The following PBX1 variants were observed in gnomAD, a reference collection of about 807,000 sequenced individuals.
The protein encoded by PBX1 is PBX homeobox 1.
Under a neutral mutation model 53.4 loss-of-function variants are expected in PBX1, and 6 were observed. That is an observed-to-expected ratio of 0.11 (90% CI 0.06 to 0.22). The LOEUF (loss-of-function observed/expected upper bound fraction) is 0.22. Among genes scored for constraint, PBX1 ranks in the 10% least tolerant of loss-of-function variants. The pLI is 1.00. For missense variants in PBX1, 251 were observed against 551.4 expected (o/e 0.46, Z 5.46); for synonymous variants, 204 against 212.3 (o/e 0.96, Z 0.34).
Position 164,847,006 on chromosome 1 carries a change from A to G in PBX1, c.*330A>G, listed in dbSNP as rs527366247. ...TCTCATATCACTGAAGGATATTTTC[A>G]ACAATTAGAGGAATTTAAAGAGGAA... is the stretch of plus-strand genomic sequence containing the variant. On this transcript the variant is annotated 3_prime_UTR_variant, in exon 9 of 9. Coordinates refer to ENST00000420696, the MANE Select transcript of PBX1 (RefSeq NM_002585.4). The G allele has an allele frequency of 1.2e-5, 14 of 1,163,666 alleles. No homozygotes were observed. The highest frequency in any genetic ancestry group is 1.4e-5 in the Non-Finnish European group (13 of 939,888). 72.1% of individuals were successfully genotyped at this position (1,163,666 alleles called of 1,614,324 possible). A position where few individuals can be genotyped will look rare whatever the true frequency, so the allele number is the denominator to read the frequency against.
chr1:164,847,831 C>A lies in PBX1; in HGVS notation c.*1155C>A, dbSNP rs896144719. On this transcript the variant is annotated 3_prime_UTR_variant, in exon 9 of 9. Transcript: ENST00000420696. Reference sequence around the variant, plus strand: ...CTGCAGGCCCACTAGCGTGCACTTACCAGAATGGCATACACAGGACCTGAT... The same window carrying A: ...CTGCAGGCCCACTAGCGTGCACTTAACAGAATGGCATACACAGGACCTGAT... The A allele has an allele frequency of 9.5e-7, 1 of 1,055,172 alleles. No individual in the cohort carries two copies. Among genetic ancestry groups the A allele is most frequent in the South Asian group, 4.6e-5 (1 of 21,880 alleles). 65.4% of individuals were successfully genotyped at this position (1,055,172 alleles called of 1,614,324 possible).
intron 2 of PBX1, among the ~76,000 whole-genome samples, chr1:164,742,398 C>T (rs939552831): frequency 1.3e-5 from 2 of 152,068 alleles, no homozygotes; most frequent in African/African-American, 4.8e-5. Flanking sequence ...AAAAATTAGC[C>T]AGGCATGGTG....
chr1:164,852,235 T>C (rs1222104392), downstream of PBX1, among the ~76,000 whole-genome samples: 1 of 152,212 alleles, frequency 6.6e-6, no homozygotes, highest in East Asian at 1.9e-4. Flanking sequence ...AGAAAAATTG[T>C]GGTTCCCAAG....
intron 2 of PBX1, among the ~76,000 whole-genome samples, chr1:164,741,160 G>GCTCAAGGATATAACTCGAGGATATAA (rs1557978326): frequency 7.9e-5 from 12 of 152,182 alleles, no homozygotes; most frequent in African/African-American, 2.9e-4. Flanking sequence ...CAAAGAAGTT[G>GCTCAAGGATATAACTCGAGGATATAA]CTCAAGGATA....
intron 2 of PBX1, among the ~76,000 whole-genome samples, chr1:164,570,814 C>T (rs1040821694): frequency 6.6e-6 from 1 of 152,168 alleles, no homozygotes; most frequent in African/African-American, 2.4e-5. Flanking sequence ...ATAATTTGCA[C>T]TGTCACCAAC....
intron 2 of PBX1, among the ~76,000 whole-genome samples, chr1:164,621,177 C>T (rs1233630783): frequency 3.3e-5 from 5 of 151,770 alleles, no homozygotes; most frequent in African/African-American, 4.8e-5. Context: ...TTAGTAGAGA[C>T]GGGGTTTCGC....
chr1:164,817,464 A>G (rs931475396), intron 6 of PBX1: 3 of 152,218 alleles, frequency 2.0e-5, no homozygotes, highest in Non-Finnish European at 2.9e-5. Flanking sequence ...CAGTGCTTCT[A>G]GATACTTATC....
chr1:164,593,723 C>G (rs1655565754), intron 2 of PBX1, among the ~76,000 whole-genome samples: 1 of 152,100 alleles, frequency 6.6e-6, no homozygotes, highest in African/African-American at 2.4e-5. Context: ...GAAAACACAC[C>G]ATGTACTTCC....
At chr1:164,857,368 C>A (rs536238184) in intron 2 of PBX1, among the ~76,000 whole-genome samples, 2 of 151,962 alleles carry the variant, frequency 1.3e-5, no homozygotes, top group South Asian at 2.1e-4. Flanking sequence ...AGCCTCTAAC[C>A]CCATGGAGTT....
intron 2 of PBX1, among the ~76,000 whole-genome samples, chr1:164,691,011 C>CTTTTTTT (rs386368555): frequency 2.8e-5 from 3 of 106,502 alleles, no homozygotes; most frequent in Non-Finnish European, 5.4e-5. Context: ...GTTGTTAAAT[C>CTTTTTTT]TTTTTTTTTT....
chr1:164,603,032 A>AT (rs1266043723), intron 2 of PBX1, among the ~76,000 whole-genome samples: 5 of 150,958 alleles, frequency 3.3e-5, no homozygotes, highest in African/African-American at 1.2e-4. Context: ...TTCTGCAGCT[A>AT]TTTTTTCCCC....
In PBX1 at chr1:164,583,401, G is replaced by A. The variant is rs898470163; in HGVS notation, c.265+20090G>A. 2.0e-5 allele frequency among the ~76,000 whole-genome samples: 3 copies of A among 152,062 alleles called. No homozygotes were observed. In the South Asian group the frequency reaches 6.2e-4, roughly 32 times the overall value. ...TTTAGGGAAGAGGGTTCCATTCCTG[G>A]GCTAACTAACCCAGCCTCTCTGAAT... On this transcript the variant is annotated intron_variant, in intron 2 of 8. Transcript: ENST00000420696.
At chr1:164,613,458 T>A (rs1657072656) in intron 2 of PBX1, among the ~76,000 whole-genome samples, 1 of 152,176 alleles carries the variant, frequency 6.6e-6, no homozygotes, top group South Asian at 2.1e-4. Context: ...TTTTTCCTCC[T>A]TCAGGAATCA....
chr1:164,662,825 T>A (rs1660561907), intron 2 of PBX1, among the ~76,000 whole-genome samples: 1 of 102,228 alleles, frequency 9.8e-6, no homozygotes, highest in East Asian at 2.8e-4. Context: ...TGTGAACATG[T>A]GTGAACATTT....
chr1:164,664,700 C>T (rs1277235760), intron 2 of PBX1, among the ~76,000 whole-genome samples: 1 of 152,204 alleles, frequency 6.6e-6, no homozygotes, highest in African/African-American at 2.4e-5. Context: ...ACTTACAGTT[C>T]CACATGGCTG....
At chr1:164,580,646 G>A (rs1168274130) in intron 2 of PBX1, among the ~76,000 whole-genome samples, 1 of 151,794 alleles carries the variant, frequency 6.6e-6, no homozygotes, top group Non-Finnish European at 1.5e-5. Flanking sequence ...ATGCAATCTT[G>A]GCTTACTGCA....
At chr1:164,669,233 CTA>C (rs1161055665) in intron 2 of PBX1, among the ~76,000 whole-genome samples, 1 of 152,030 alleles carries the variant, frequency 6.6e-6, no homozygotes, top group African/African-American at 2.4e-5. Flanking sequence ...GGCTATGATT[CTA>C]TATGAGCAAT....
chr1:164,651,933 GTGTGT>G (rs1557917234), intron 2 of PBX1: 25 of 58,926 alleles, frequency 4.2e-4, no homozygotes, highest in African/African-American at 1.3e-3. Flanking sequence ...GAGGGAGGGT[GTGTGT>G]GTGTGTGTGT....
chr1:164,696,245 C>G (rs555656548), intron 2 of PBX1, among the ~76,000 whole-genome samples: 1 of 152,102 alleles, frequency 6.6e-6, no homozygotes, highest in Non-Finnish European at 1.5e-5. Context: ...TGAAAAAGAT[C>G]ACACTTTTTT....
Sources: gnomAD v4.1 joint callset for allele counts (sites outside exome capture counted in the v4.1 genomes callset) on GRCh38, gnomAD v4.1.1 for gene constraint, MANE v1.5 for transcripts, NCBI Gene and HGNC (gene_info 2026-07-23, HGNC 2026-07-21) for gene names.